Variants in KLF13 observed in about 807,000 individuals in gnomAD.
The protein encoded by KLF13 is Krueppel-like factor 13.
In KLF13, 8 loss-of-function variants were observed where a neutral mutation model predicts 16.7. That is an observed-to-expected ratio of 0.48 (90% CI 0.28 to 0.87). The LOEUF (loss-of-function observed/expected upper bound fraction) is 0.87, where lower values mean the gene tolerates loss of function less well. Ranked by LOEUF, KLF13 falls within the 40% of genes least tolerant of loss-of-function variation. KLF13 has a pLI of 0.10. For synonymous variants in KLF13, 245 were observed against 208.4 expected (o/e 1.18, Z -1.51); for missense variants, 447 against 452.2 (o/e 0.99, Z 0.10).
At position 31,327,901 on chromosome 15, in the gene KLF13, A is replaced by G. The variant is rs994979400; in HGVS notation, c.577+112A>G. The G allele has an allele frequency of 5.2e-5, 58 of 1,124,368 alleles. No homozygotes were observed. The East Asian group carries it at 7.6e-4, about 15-fold the overall frequency. The allele number at this position is 1,124,368 out of a possible 1,614,324, so 69.6% of individuals were successfully genotyped here. A position where few individuals can be genotyped will look rare whatever the true frequency, so the allele number is the denominator to read the frequency against. ...GCGAGGTGGGGGCCGGGCGGGCCGG[A>G]ACGCCCGGGGCCTCGCCCCTTCCCC... is the stretch of plus-strand genomic sequence containing the variant. On this transcript the variant is annotated intron_variant, in intron 1 of 1. Transcript: ENST00000307145.
At chr15:31,418,775 G>A (rs1345011203) in intron 1 of KLF13, among the ~76,000 whole-genome samples, 2 of 152,090 alleles carry the variant, frequency 1.3e-5, no homozygotes, top group African/African-American at 4.8e-5. Context: ...CCATTTTTGT[G>A]TTGCTATAAA....
At chr15:31,423,589 G>A (rs1368474925) in intron 1 of KLF13, among the ~76,000 whole-genome samples, 2 of 152,056 alleles carry the variant, frequency 1.3e-5, no homozygotes, top group Non-Finnish European at 2.9e-5. Flanking sequence ...CCAAGATTGT[G>A]CCATTGCACT....
At chr15:31,418,013 G>C (rs1277449881) in intron 1 of KLF13, among the ~76,000 whole-genome samples, 1 of 152,078 alleles carries the variant, frequency 6.6e-6, no homozygotes, top group African/African-American at 2.4e-5. Flanking sequence ...TTGTGAATAA[G>C]AGAACTAAAA....
rs2039562428 is a variant in KLF13 at position 31,372,047 on chromosome 15, C to A, written c.615C>A (p.Asn205Lys). ...TCGCCTGCAGCTGGCAGGACTGCAACAAGAAGTTCGCGCGCTCCGACGAGC... is the reference window on the plus strand; with the variant it reads ...TCGCCTGCAGCTGGCAGGACTGCAAAAAGAAGTTCGCGCGCTCCGACGAGC... ...RPFACSWQDC[N>K]KKFARSDELA... is the part of the protein sequence containing the mutation. The change falls in exon 2 of 2, where the codon AAC becomes AAA. Residue 205 changes from asparagine (N) to lysine (K), a missense_variant. Transcript: ENST00000307145. The A allele has an allele frequency of 6.2e-7, 1 of 1,610,944 alleles. No homozygotes were observed. The highest frequency in any genetic ancestry group is 1.7e-5 in the Admixed American group (1 of 59,726).
rs113829376 is a variant in KLF13, at chr15:31,424,367, C to T, written n.118-11003C>T. Reference sequence around the variant, plus strand: ...TCGATGACACATTAAAAGGTTTATACACCATGACCAAGTGGGATTTATTCC... The same window carrying T: ...TCGATGACACATTAAAAGGTTTATATACCATGACCAAGTGGGATTTATTCC... On this transcript the variant is annotated intron_variant and non_coding_transcript_variant, in intron 1 of 1. Coordinates refer to the KLF13 transcript ENST00000558225. Among the ~76,000 whole-genome samples, 321 of 152,212 alleles carry T rather than the reference C, an allele frequency of 2.1e-3. 2 individuals carry two copies. Among genetic ancestry groups the T allele is most frequent in the Middle Eastern group, 0.02 (6 of 294 alleles).
upstream of KLF13, chr15:31,392,735 G>T (rs1401069974): frequency 6.6e-6 from 1 of 152,210 alleles, no homozygotes; most frequent in Non-Finnish European, 1.5e-5. Flanking sequence ...GTCCTGCACC[G>T]GCCCAAGACA....
At position 31,376,517 on chromosome 15, in the gene KLF13, C is replaced by T. The variant is rs193228849; in HGVS notation, c.*4218C>T. ...TATTTTCCAAAGCTAAAATCTGAGG[C>T]GTGGGCTGATGGTTTTTGAAATCAG... On this transcript the variant is annotated 3_prime_UTR_variant, in exon 2 of 2. Coordinates refer to ENST00000307145, the MANE Select transcript of KLF13 (RefSeq NM_015995.4). 1 of 152,648 alleles carries T rather than the reference C, an allele frequency of 6.6e-6. No homozygotes were observed. The highest frequency in any genetic ancestry group is 1.9e-4 in the East Asian group (1 of 5,184). 9.5% of individuals were successfully genotyped at this position (152,648 alleles called of 1,614,324 possible).
At chr15:31,365,620 G>A in intron 1 of KLF13, among the ~76,000 whole-genome samples, 1 of 141,880 alleles carries the variant, frequency 7.0e-6, no homozygotes, top group Non-Finnish European at 1.6e-5. Flanking sequence ...GGGGTGGGGG[G>A]GCCCACTCAC....
chr15:31,403,429 TC>T (rs1345590822), exon 3 of KLF13: 1 of 152,220 alleles, frequency 6.6e-6, no homozygotes, highest in African/African-American at 2.4e-5. Flanking sequence ...GATTTTTAGC[TC>T]AGCGTGTGGC....
chr15:31,430,131 C>T (rs904052018), intron 1 of KLF13, among the ~76,000 whole-genome samples: 1 of 152,086 alleles, frequency 6.6e-6, no homozygotes, highest in Non-Finnish European at 1.5e-5. Context: ...ATAAAGGAGA[C>T]ATTTGATAAT....
downstream of KLF13, among the ~76,000 whole-genome samples, chr15:31,408,763 A>G (rs1372734914): frequency 6.6e-6 from 1 of 152,196 alleles, no homozygotes; most frequent in Non-Finnish European, 1.5e-5. Flanking sequence ...AGTGTGTTAA[A>G]GGCTCTAAAG....
intron 1 of KLF13, among the ~76,000 whole-genome samples, chr15:31,369,660 AGT>A (rs1420275529): frequency 6.6e-6 from 1 of 152,052 alleles, no homozygotes; most frequent in Non-Finnish European, 1.5e-5. Context: ...TTCCCCCGTG[AGT>A]CTTGGTCCTG....
chr15:31,432,335 G>C (rs1019089611), intron 1 of KLF13, among the ~76,000 whole-genome samples: 7 of 151,944 alleles, frequency 4.6e-5, no homozygotes, highest in Non-Finnish European at 1.0e-4. Flanking sequence ...AGCCAACCGG[G>C]CCACACCTTC....
chr15:31,332,398 G>A (rs1455405925), intron 1 of KLF13, among the ~76,000 whole-genome samples: 1 of 152,208 alleles, frequency 6.6e-6, no homozygotes, highest in Non-Finnish European at 1.5e-5. Flanking sequence ...CTGGTGGCTG[G>A]CTCTCTTGGC....
rs116200857 is a variant in KLF13 at position 31,417,100 on chromosome 15, A to G, written n.118-18270A>G. Among the ~76,000 whole-genome samples the G allele has an allele frequency of 6.0e-3, 907 of 152,262 alleles. 11 individuals carry two copies. Among genetic ancestry groups the G allele is most frequent in the African/African-American group, 0.021 (875 of 41,544 alleles). The stretch of plus-strand genomic sequence containing the variant: ...CTCTCTCATCCATGTGATGCCTTCT[A>G]CCACATTATGAAGCAGCAAAAAGGC... On this transcript the variant is annotated intron_variant and non_coding_transcript_variant, in intron 1 of 1. Transcript: ENST00000558225.
chr15:31,353,763 G>A (rs950749775), intron 1 of KLF13, among the ~76,000 whole-genome samples: 17 of 152,190 alleles, frequency 1.1e-4, no homozygotes, highest in Middle Eastern at 3.4e-3. Context: ...GGAGTGGCTC[G>A]CTGTGGCCAA....
intron 1 of KLF13, among the ~76,000 whole-genome samples, chr15:31,350,640 G>A (rs988575692): frequency 3.3e-5 from 5 of 152,236 alleles, no homozygotes; most frequent in Non-Finnish European, 7.3e-5. Flanking sequence ...GTGGTCTCTG[G>A]CCCAACTTCA....
chr15:31,377,588 C>T lies in KLF13; in HGVS notation c.*5289C>T, dbSNP rs1206214422. ...AAGGCAGAATCCAAGGGTCCAAGAC[C>T]ATTTCCATGGAGCTCATGTTTTTCT... is the stretch of plus-strand genomic sequence containing the variant. On this transcript the variant is annotated 3_prime_UTR_variant, in exon 2 of 2. Transcript: ENST00000307145. 6.6e-6 allele frequency: 1 copy of T among 152,598 alleles called. No homozygotes were observed. Among genetic ancestry groups the T allele is most frequent in the African/African-American group, 2.4e-5 (1 of 41,428 alleles). The allele number at this position is 152,598 out of a possible 1,614,324, so 9.5% of individuals were successfully genotyped here. A position where few individuals can be genotyped will look rare whatever the true frequency, so the allele number is the denominator to read the frequency against.
chr15:31,368,753 G>A (rs2039513391), intron 1 of KLF13, among the ~76,000 whole-genome samples: 1 of 152,138 alleles, frequency 6.6e-6, no homozygotes, highest in Non-Finnish European at 1.5e-5. Context: ...TCGAGAGGCT[G>A]AGGCAGAAGA....
Sources: allele counts gnomAD v4.1 joint callset (sites outside exome capture counted in the v4.1 genomes callset), GRCh38; gene constraint gnomAD v4.1.1; transcripts MANE v1.5; gene names NCBI Gene and HGNC (gene_info 2026-07-23, HGNC 2026-07-21).